Variants in CDH12 observed in about 807,000 individuals in gnomAD.
The protein encoded by CDH12 is cadherin-12.
CDH12 carries 41 observed loss-of-function variants against 74.1 expected under a neutral mutation model. The ratio of observed to expected loss-of-function variants is 0.55; its 90% CI spans 0.43 to 0.72. CDH12 has a LOEUF of 0.72. CDH12 is among the 30% of genes least tolerant of loss of function. The pLI is 0.00. For synonymous variants in CDH12, 399 were observed against 355.0 expected (o/e 1.12, Z -1.39); for missense variants, 945 against 977.2 (o/e 0.97, Z 0.44).
At chr5:22,595,156 T>C (rs1371051377) in intron 1 of CDH12, among the ~76,000 whole-genome samples, 1 of 152,214 alleles carries the variant, frequency 6.6e-6, no homozygotes, top group Non-Finnish European at 1.5e-5. Context: ...ACAAAATTGT[T>C]ATTCCTTTAT....
chr5:22,245,415 T>C (rs565602387), intron 3 of CDH12, among the ~76,000 whole-genome samples: 3 of 152,170 alleles, frequency 2.0e-5, no homozygotes, highest in African/African-American at 7.2e-5. Context: ...CAATAGGAAC[T>C]TCAACACTAT....
chr5:22,586,565 A>C (rs1159660131), intron 1 of CDH12, among the ~76,000 whole-genome samples: 3 of 151,214 alleles, frequency 2.0e-5, no homozygotes, highest in Non-Finnish European at 2.9e-5. Flanking sequence ...ATTTAGAAAA[A>C]ATTATTGAAA....
chr5:22,393,362 A>T (rs764564803), intron 3 of CDH12, among the ~76,000 whole-genome samples: 6 of 152,154 alleles, frequency 3.9e-5, no homozygotes, highest in Non-Finnish European at 5.9e-5. Context: ...TAGGTCACTT[A>T]AGGAAATATG....
chr5:22,489,722 G>A (rs1321864365), intron 2 of CDH12, among the ~76,000 whole-genome samples: 1 of 146,578 alleles, frequency 6.8e-6, no homozygotes, highest in Non-Finnish European at 1.5e-5. Context: ...TTGAGGCAGG[G>A]TCTCCCTCTG....
intron 3 of CDH12, among the ~76,000 whole-genome samples, chr5:22,268,722 T>A (rs1311813951): frequency 6.6e-6 from 1 of 152,146 alleles, no homozygotes; most frequent in East Asian, 1.9e-4. Flanking sequence ...TACAGTGTAG[T>A]ATGATTTGGC....
At chr5:22,704,995 C>A (rs1742914451) in intron 1 of CDH12, among the ~76,000 whole-genome samples, 1 of 151,732 alleles carries the variant, frequency 6.6e-6, no homozygotes. Context: ...TATAAATCAT[C>A]TTTGTATACT....
intron 3 of CDH12, among the ~76,000 whole-genome samples, chr5:22,269,602 A>G (rs1736290451): frequency 6.6e-6 from 1 of 152,178 alleles, no homozygotes; most frequent in Non-Finnish European, 1.5e-5. Context: ...GAACAACATA[A>G]TGGAAGCATT....
At chr5:22,344,699 T>A (rs75091337) in intron 3 of CDH12, among the ~76,000 whole-genome samples, 12,444 of 152,108 alleles carry the variant, frequency 0.082, 742 homozygotes, top group African/African-American at 0.17. Context: ...ATTTAAAAAA[T>A]AATTAAAAAG....
intron 2 of CDH12, among the ~76,000 whole-genome samples, chr5:22,432,648 G>T (rs777386049): frequency 4.6e-5 from 7 of 151,784 alleles, no homozygotes; most frequent in Non-Finnish European, 7.4e-5. Flanking sequence ...CTCTTTCCTG[G>T]CAGCCTTCTT....
chr5:22,240,565 G>A (rs1048652798), intron 3 of CDH12, among the ~76,000 whole-genome samples: 5 of 152,124 alleles, frequency 3.3e-5, no homozygotes, highest in African/African-American at 1.2e-4. Flanking sequence ...ACAGAATCTC[G>A]TTCCTTCGCC....
chr5:22,218,822 T>C (rs1308409523), intron 3 of CDH12, among the ~76,000 whole-genome samples: 1 of 151,784 alleles, frequency 6.6e-6, no homozygotes, highest in Non-Finnish European at 1.5e-5. Flanking sequence ...TAACAGATTA[T>C]GTCCATAATA....
intron 4 of CDH12, among the ~76,000 whole-genome samples, chr5:22,206,714 T>A (rs1193739302): frequency 6.8e-6 from 1 of 147,398 alleles, no homozygotes; most frequent in Non-Finnish European, 1.5e-5. Flanking sequence ...AGTTTCTCTA[T>A]GTTTATTATT....
At chr5:22,524,809 A>C (rs1209093757) in intron 1 of CDH12, among the ~76,000 whole-genome samples, 1 of 150,682 alleles carries the variant, frequency 6.6e-6, no homozygotes, top group East Asian at 1.9e-4. Context: ...TTTTATTTTT[A>C]TTTATTTATT....
intron 1 of CDH12, among the ~76,000 whole-genome samples, chr5:22,548,850 GTC>G (rs1738443126): frequency 6.6e-6 from 1 of 152,020 alleles, no homozygotes; most frequent in African/African-American, 2.4e-5. Context: ...CTCCATTCTT[GTC>G]TCTCTTTCCT....
chr5:22,117,992 G>A (rs537211025), intron 4 of CDH12, among the ~76,000 whole-genome samples: 6 of 151,980 alleles, frequency 3.9e-5, no homozygotes, highest in Non-Finnish European at 5.9e-5. Flanking sequence ...GTGCACACTC[G>A]TATATGAAGA....
At chr5:22,555,559 T>C (rs1407537646) in intron 1 of CDH12, among the ~76,000 whole-genome samples, 1 of 151,930 alleles carries the variant, frequency 6.6e-6, no homozygotes, top group African/African-American at 2.4e-5. Context: ...TTTGAAAAAT[T>C]TTTTAGAATC....
intron 4 of CDH12, among the ~76,000 whole-genome samples, chr5:22,079,159 A>G (rs971313318): frequency 6.6e-6 from 1 of 152,196 alleles, no homozygotes; most frequent in Non-Finnish European, 1.5e-5. Flanking sequence ...CACTATTTTA[A>G]AGTGAGCTAT....
intron 3 of CDH12, among the ~76,000 whole-genome samples, chr5:22,332,206 G>C (rs1739379600): frequency 6.6e-6 from 1 of 151,930 alleles, no homozygotes; most frequent in Non-Finnish European, 1.5e-5. Flanking sequence ...CTACCTCAAG[G>C]CATTTAATAA....
chr5:22,792,174 C>T (rs952365641), intron 1 of CDH12, among the ~76,000 whole-genome samples: 20 of 150,800 alleles, frequency 1.3e-4, no homozygotes, highest in African/African-American at 4.4e-4. Flanking sequence ...CTGTGACCTC[C>T]GCCTCCTGGG....
Sources: gnomAD v4.1 joint callset for allele counts (sites outside exome capture counted in the v4.1 genomes callset) on GRCh38, gnomAD v4.1.1 for gene constraint, MANE v1.5 for transcripts, NCBI Gene and HGNC (gene_info 2026-07-23, HGNC 2026-07-21) for gene names.